DDX51: variants seen among roughly 807,000 people sequenced by gnomAD.
DDX51 encodes ATP-dependent RNA helicase DDX51.
In DDX51, 67 loss-of-function variants were observed where a neutral mutation model predicts 74.6. The ratio of observed to expected loss-of-function variants is 0.90; its 90% CI spans 0.74 to 1.10. The LOEUF (loss-of-function observed/expected upper bound fraction) is 1.10. DDX51 is among the 50% of genes least tolerant of loss of function. DDX51 has a pLI of 0.00. For synonymous variants in DDX51, 545 were observed against 402.9 expected (o/e 1.35, Z -4.22); for missense variants, 1,056 against 905.2 (o/e 1.17, Z -2.14).
intron 8 of DDX51, 93 bp from the exon 9 acceptor site, chr12:132,141,113 G>A: frequency 6.6e-7 from 1 of 1,504,510 alleles, no homozygotes; most frequent in Non-Finnish European, 8.9e-7. Context: ...TGTAGAGACT[G>A]CCGCAGACCA....
chr12:132,141,319 A>C lies in DDX51; in HGVS notation c.1206T>G (p.Cys402Trp). ...AFQSEDPADP[C>W]ALLQRRQAQA... ...GGGCCTGCCTTCGCTGGAGCAGGGC[A>C]CAGGGGTCCGCGGGGTCCTCGCTCT... The change falls in exon 8 of 15, where the codon TGT becomes TGG. Residue 402 changes from cysteine to tryptophan, a missense_variant. Transcript: ENST00000397333. 1 of 1,598,836 alleles carries C rather than the reference A, an allele frequency of 6.3e-7. No individual in the cohort carries two copies. Among genetic ancestry groups the C allele is most frequent in the Non-Finnish European group, 8.5e-7 (1 of 1,179,606 alleles).
chr12:132,141,220 G>A, intron 8 of DDX51, 55 bp downstream of exon 8: 4 of 1,530,302 alleles, frequency 2.6e-6, no homozygotes, highest in Non-Finnish European at 3.5e-6. Context: ...AAGGAGAGCT[G>A]TGTGCAGAGG....
intron 3 of DDX51, 69 bp from the exon 4 acceptor site, chr12:132,142,491 T>G: frequency 3.2e-6 from 5 of 1,568,900 alleles, no homozygotes; most frequent in Non-Finnish European, 4.3e-6. Flanking sequence ...TCCCTGCCTG[T>G]GACCTCTGGG....
rs1183414439 is a variant in DDX51, at chr12:132,140,942, C to T, written c.1329G>A (p.Gln443=). 2.5e-6 allele frequency: 4 copies of T among 1,613,118 alleles called. No individual in the cohort carries two copies. In the African/African-American group the frequency reaches 5.3e-5, roughly 22 times the overall value. The part of the protein sequence containing the change: ...TLTQNPEKLQ[Q]LGLHQPRLFS... ...AAAGCCGGGGCTGGTGGAGGCCCAG[C>T]TGCTGCAGCTTTTCAGGGTTCTGGG... is the stretch of plus-strand genomic sequence containing the variant. Residue 443 remains glutamine (Q), a synonymous_variant, in exon 9 of 15, where the codon CAG becomes CAA. Transcript: ENST00000397333.
intron 12 of DDX51, 69 bp from the exon 13 acceptor site, chr12:132,139,993 C>T: frequency 6.2e-7 from 1 of 1,609,552 alleles, no homozygotes. Flanking sequence ...ACGACAGCTT[C>T]TCTCCACACC....
intron 1 of DDX51, 22 bp from the exon 2 acceptor site, chr12:132,143,931 G>A (rs1410791587): frequency 3.3e-5 from 50 of 1,510,372 alleles, no homozygotes; most frequent in African/African-American, 4.3e-5. Flanking sequence ...ACACCCACCC[G>A]GCAGCGCGTC....
intron 8 of DDX51, 42 bp downstream of exon 8, chr12:132,141,233 T>C: frequency 6.4e-7 from 1 of 1,552,898 alleles, no homozygotes; most frequent in Non-Finnish European, 8.6e-7. Flanking sequence ...TGCAGAGGAC[T>C]CTGCTCAGGG....
chr12:132,139,484 C>G, intron 14 of DDX51, 151 bp downstream of exon 14: 1 of 1,555,762 alleles, frequency 6.4e-7, no homozygotes, highest in Non-Finnish European at 8.9e-7. Flanking sequence ...GGGCTCCCCG[C>G]CCTTGGGCCA....
Position 132,139,271 on chromosome 12 carries a change from C to G in DDX51, c.*1G>C. The stretch of plus-strand genomic sequence containing the variant: ...GTCCCTCCGGCCCTCTGAGCCCCAG[C>G]CTAGGCCGCCCTCTGCTTGCGCTCT... On this transcript the variant is annotated 3_prime_UTR_variant, in exon 15 of 15. Transcript: ENST00000397333. The G allele has an allele frequency of 9.3e-6, 15 of 1,608,300 alleles. No individual in the cohort carries two copies. The highest frequency in any genetic ancestry group is 1.3e-5 in the Non-Finnish European group (15 of 1,178,768).
intron 12 of DDX51, 57 bp from the exon 13 acceptor site, chr12:132,139,981 G>C: frequency 1.2e-6 from 2 of 1,610,950 alleles, no homozygotes; most frequent in South Asian, 2.2e-5. Flanking sequence ...GAGTCTGACG[G>C]AACGACAGCT....
intron 6 of DDX51, 42 bp downstream of exon 6, chr12:132,141,808 A>G: frequency 6.2e-7 from 1 of 1,600,898 alleles, no homozygotes; most frequent in Non-Finnish European, 8.6e-7. Flanking sequence ...TGCAGGGCTG[A>G]GCAGGGACCC....
intron 2 of DDX51, chr12:132,143,478 G>C: frequency 1.6e-6 from 1 of 635,538 alleles, no homozygotes; most frequent in Admixed American, 3.4e-5. Flanking sequence ...CTGGCGCGGC[G>C]CGGCGGGAGG....
chr12:132,140,766 G>A (rs376327637), intron 9 of DDX51, 31 bp from the exon 10 acceptor site: 43 of 1,612,860 alleles, frequency 2.7e-5, no homozygotes, highest in South Asian at 3.3e-5. Flanking sequence ...CGGGGTGGAG[G>A]TGAGGGTTGG....
intron 8 of DDX51, 48 bp downstream of exon 8, chr12:132,141,227 G>C (rs775345879): frequency 2.8e-5 from 43 of 1,547,288 alleles, no homozygotes; most frequent in Non-Finnish European, 3.4e-5. Context: ...GCTGTGTGCA[G>C]AGGACTCTGC....
At chr12:132,140,006 C>A in intron 12 of DDX51, 82 bp from the exon 13 acceptor site, 2 of 1,607,084 alleles carry the variant, frequency 1.2e-6, no homozygotes, top group South Asian at 1.1e-5. Flanking sequence ...TCCACACCAA[C>A]CCCACCCCAC....
At chr12:132,139,490 G>A in intron 14 of DDX51, 145 bp downstream of exon 14, 1 of 1,564,560 alleles carries the variant, frequency 6.4e-7, no homozygotes, top group South Asian at 1.1e-5. Flanking sequence ...CCCGCCCTTG[G>A]GCCAGAAGCT....
chr12:132,139,994 T>TCTC, intron 12 of DDX51, 70 bp from the exon 13 acceptor site: 1 of 1,609,408 alleles, frequency 6.2e-7, no homozygotes, highest in African/African-American at 1.3e-5. Flanking sequence ...CGACAGCTTC[T>TCTC]CTCCACACCA....
intron 3 of DDX51, 92 bp from the exon 4 acceptor site, chr12:132,142,514 G>T: frequency 6.5e-7 from 1 of 1,530,926 alleles, no homozygotes; most frequent in South Asian, 1.2e-5. Context: ...GGGCTGCTCT[G>T]CTGGAGGCCT....
At position 132,138,055 on chromosome 12, in the gene DDX51, CTCCAT is replaced by C. The variant is rs1336313202; in HGVS notation, c.*1212_*1216del. 2 of 152,296 alleles carry C rather than the reference CTCCAT, an allele frequency of 1.3e-5. No homozygotes were observed. The highest frequency in any genetic ancestry group is 2.1e-4 in the South Asian group (1 of 4,834). 9.4% of individuals were successfully genotyped at this position (152,296 alleles called of 1,614,324 possible). ...TGGTGTGGATTTCCCACGTTTTATT[CTCCAT>C]TCATCAGCTGACGGACATGTGGTTT... is the stretch of plus-strand genomic sequence containing the variant. On this transcript the variant is annotated 3_prime_UTR_variant, in exon 15 of 15. Coordinates refer to ENST00000397333, the MANE Select transcript of DDX51 (RefSeq NM_175066.4).
Sources: gnomAD v4.1 joint callset for allele counts on GRCh38, gnomAD v4.1.1 for gene constraint, MANE v1.5 for transcripts, NCBI Gene and HGNC (gene_info 2026-07-23, HGNC 2026-07-21) for gene names.